Variants in TRDN observed in about 807,000 individuals in gnomAD.
TRDN encodes triadin, also known as triadin in skeletal muscle.
Under a neutral mutation model 149.7 loss-of-function variants are expected in TRDN, and 161 were observed. The observed-to-expected ratio is 1.08, with a 90% CI of 0.95 to 1.23. TRDN has a LOEUF of 1.23. Ranked by LOEUF, TRDN falls within the 50% of genes most tolerant of loss-of-function variation. TRDN has a pLI of 0.00. For missense variants in TRDN, 896 were observed against 823.5 expected (o/e 1.09, Z -1.08); for synonymous variants, 294 against 250.5 (o/e 1.17, Z -1.64).
At chr6:123,565,800 G>A (rs1463773223) in intron 2 of TRDN, among the ~76,000 whole-genome samples, 1 of 152,194 alleles carries the variant, frequency 6.6e-6, no homozygotes. Context: ...AGGTGCGCGT[G>A]CAGTTCCGTG....
chr6:123,498,039 A>G (rs1019266275), intron 8 of TRDN: 1 of 153,438 alleles, frequency 6.5e-6, no homozygotes, highest in Non-Finnish European at 1.5e-5. Flanking sequence ...ATCCTCACAG[A>G]ACTTTAGATT....
In TRDN at chr6:123,603,488, A is replaced by G. The variant is rs770788848; in HGVS notation, c.23-32356T>C. Among the ~76,000 whole-genome samples the G allele has an allele frequency of 1.3e-3, 196 of 152,182 alleles. 1 individual carries two copies. Among genetic ancestry groups the G allele is most frequent in the Non-Finnish European group, 2.0e-3 (139 of 67,986 alleles). ...TTTTGTTTTTATACCATAGCTAAATATTATAAAATGGGATCAATTTATTTA... is the reference window on the plus strand; with the variant it reads ...TTTTGTTTTTATACCATAGCTAAATGTTATAAAATGGGATCAATTTATTTA... On this transcript the variant is annotated intron_variant, in intron 1 of 40. Coordinates refer to ENST00000334268, the MANE Select transcript of TRDN (RefSeq NM_006073.4).
intron 9 of TRDN, among the ~76,000 whole-genome samples, chr6:123,486,901 A>T (rs1001452555): frequency 6.6e-6 from 1 of 152,032 alleles, no homozygotes; most frequent in Non-Finnish European, 1.5e-5. Context: ...TATGATCCTC[A>T]TAACACTACA....
intron 12 of TRDN, among the ~76,000 whole-genome samples, chr6:123,430,492 G>A (rs13211356): frequency 0.17 from 25,845 of 151,890 alleles, 2,350 homozygotes; most frequent in South Asian, 0.3. Flanking sequence ...CGAGGCAGGA[G>A]AACTGCATGA....
At chr6:123,274,832 C>T (rs1039082286) in intron 26 of TRDN, among the ~76,000 whole-genome samples, 162 bp from the exon 27 acceptor site, 1 of 151,862 alleles carries the variant, frequency 6.6e-6, no homozygotes, top group Non-Finnish European at 1.5e-5. Context: ...GAGATCATGC[C>T]ACTGCACTCC....
chr6:123,614,042 G>C (rs1341032963), intron 1 of TRDN, among the ~76,000 whole-genome samples: 5 of 151,886 alleles, frequency 3.3e-5, no homozygotes, highest in African/African-American at 1.2e-4. Context: ...CTAGGATATT[G>C]CTACTCAAAC....
intron 9 of TRDN, among the ~76,000 whole-genome samples, chr6:123,486,222 T>C (rs529109259): frequency 5.3e-5 from 8 of 151,958 alleles, no homozygotes; most frequent in Admixed American, 5.3e-4. Context: ...TCTTATAACA[T>C]CTTGGGTTTT....
At chr6:123,246,932 G>T (rs1776203702) in intron 38 of TRDN, among the ~76,000 whole-genome samples, 1 of 152,176 alleles carries the variant, frequency 6.6e-6, no homozygotes, top group South Asian at 2.1e-4. Flanking sequence ...TCCCTGGGAT[G>T]CAAGGTTGGT....
intron 38 of TRDN, among the ~76,000 whole-genome samples, chr6:123,234,078 T>G (rs1016443180): frequency 6.6e-6 from 1 of 152,080 alleles, no homozygotes; most frequent in Non-Finnish European, 1.5e-5. Context: ...TAAGTAATTT[T>G]TCCAAGTTAT....
intron 5 of TRDN, among the ~76,000 whole-genome samples, chr6:123,526,595 A>G (rs1482759548): frequency 6.6e-6 from 1 of 152,120 alleles, no homozygotes; most frequent in Non-Finnish European, 1.5e-5. Context: ...AAATGGAATT[A>G]TATCTACTGT....
chr6:123,267,798 C>T (rs371645998), intron 31 of TRDN, 47 bp from the exon 32 acceptor site: 3 of 1,448,540 alleles, frequency 2.1e-6, no homozygotes, highest in Non-Finnish European at 1.9e-6. Flanking sequence ...GATTCTTTGG[C>T]AAATATTTCT....
At chr6:123,292,748 C>G (rs1367666) in intron 24 of TRDN, among the ~76,000 whole-genome samples, 27,916 of 152,056 alleles carry the variant, frequency 0.18, 3,386 homozygotes, top group East Asian at 0.62. Flanking sequence ...CGAGTCACAG[C>G]TACAAAAGGG....
intron 18 of TRDN, among the ~76,000 whole-genome samples, chr6:123,376,989 G>T (rs1392720109): frequency 2.6e-5 from 4 of 152,014 alleles, no homozygotes; most frequent in Non-Finnish European, 1.5e-5. Context: ...AAATATAAAT[G>T]GTTTCAGAAA....
In TRDN at chr6:123,221,488, T is replaced by G. The variant is rs1361480801; in HGVS notation, c.2049A>C (p.Lys683Asn). Residue 683 changes from lysine to asparagine, a missense_variant and splice_region_variant, in exon 40 of 41, where the codon AAA becomes AAC. Lys to Asn is a moderately conservative substitution (Grantham distance 94). Transcript: ENST00000334268. ...GTEDVSPTKQ[K>N]SPISFFQCVY... ...CTTTTAATCTCATTATAAACTTACTTTTCTGCTTTGTGGGAGACACATCTT... is the reference window on the plus strand; with the variant it reads ...CTTTTAATCTCATTATAAACTTACTGTTCTGCTTTGTGGGAGACACATCTT... The G allele has an allele frequency of 1.9e-6, 3 of 1,560,194 alleles. No individual in the cohort carries two copies. The highest frequency in any genetic ancestry group is 1.7e-4 in the Middle Eastern group (1 of 5,860).
intron 12 of TRDN, among the ~76,000 whole-genome samples, chr6:123,405,923 A>G (rs1773174098): frequency 6.6e-6 from 1 of 152,188 alleles, no homozygotes; most frequent in South Asian, 2.1e-4. Flanking sequence ...TGGAAGCTTA[A>G]CGATAGTCCC....
rs1485269094 is a variant in TRDN, at chr6:123,289,119, G to GTA, written c.1511-10039_1511-10038dup. 3.4e-5 allele frequency among the ~76,000 whole-genome samples: 5 copies of GTA among 145,074 alleles called. No homozygotes were observed. The East Asian group carries it at 7.9e-4, about 23-fold the overall frequency. ...ACTATATATAGTATGTATGTATAGT[G>GTA]TATATATATAAAATATGTTATATAT... is the stretch of plus-strand genomic sequence containing the variant. On this transcript the variant is annotated intron_variant, in intron 24 of 40. Coordinates refer to ENST00000334268, the MANE Select transcript of TRDN (RefSeq NM_006073.4).
chr6:123,332,196 T>A (rs543929624), intron 22 of TRDN, among the ~76,000 whole-genome samples: 3 of 152,064 alleles, frequency 2.0e-5, no homozygotes, highest in Admixed American at 6.6e-5. Context: ...AGTATTTGGA[T>A]GGATAGGACC....
intron 2 of TRDN, among the ~76,000 whole-genome samples, chr6:123,550,447 T>C (rs1781326577): frequency 6.6e-6 from 1 of 152,028 alleles, no homozygotes; most frequent in African/African-American, 2.4e-5. Context: ...GACCTTTGGA[T>C]TGGATGACGA....
chr6:123,451,440 AT>A (rs1775761975), intron 10 of TRDN, among the ~76,000 whole-genome samples: 2 of 152,150 alleles, frequency 1.3e-5, no homozygotes, highest in Non-Finnish European at 2.9e-5. Context: ...CACCACTGAA[AT>A]AAAAAAGATC....
Sources: gnomAD v4.1 joint callset for allele counts (sites outside exome capture counted in the v4.1 genomes callset) on GRCh38, gnomAD v4.1.1 for gene constraint, MANE v1.5 for transcripts, NCBI Gene and HGNC (gene_info 2026-07-23, HGNC 2026-07-21) for gene names.